The following GLIS3 variants were observed in gnomAD, a reference collection of about 807,000 sequenced individuals.
GLIS3 encodes GLIS family zinc finger 3, also known as zinc finger protein GLIS3.
Under a neutral mutation model 78.6 loss-of-function variants are expected in GLIS3, and 53 were observed. The observed-to-expected ratio is 0.67, with a 90% CI of 0.54 to 0.85. The LOEUF is 0.85. Among genes scored for constraint, GLIS3 ranks in the 40% least tolerant of loss-of-function variants. GLIS3 has a pLI of 0.00. For synonymous variants in GLIS3, 684 were observed against 509.9 expected (o/e 1.34, Z -4.60); for missense variants, 1,703 against 1,231.1 (o/e 1.38, Z -5.74).
chr9:4,073,330 G>C (rs930228622), intron 4 of GLIS3, among the ~76,000 whole-genome samples: 5 of 152,204 alleles, frequency 3.3e-5, no homozygotes, highest in Non-Finnish European at 5.9e-5. Flanking sequence ...CTGGGGATTT[G>C]CTGTATCTTC....
At chr9:4,054,409 T>C (rs1049520544) in intron 4 of GLIS3, 5 of 985,272 alleles carry the variant, frequency 5.1e-6, no homozygotes, top group Non-Finnish European at 6.0e-6. Context: ...CCATCTGAAT[T>C]TAACGGTTGG....
chr9:3,908,867 A>G (rs969017320), intron 6 of GLIS3, among the ~76,000 whole-genome samples: 1 of 152,134 alleles, frequency 6.6e-6, no homozygotes, highest in Non-Finnish European at 1.5e-5. Context: ...TAGGAAAGGG[A>G]AAAAGGCCCA....
chr9:4,298,705 A>C (rs1477343139), intron 1 of GLIS3, among the ~76,000 whole-genome samples: 1 of 152,118 alleles, frequency 6.6e-6, no homozygotes, highest in Non-Finnish European at 1.5e-5. Flanking sequence ...CGAGGTGACG[A>C]ACCCGGCGGG....
chr9:3,850,433 C>A (rs777004063), intron 9 of GLIS3, among the ~76,000 whole-genome samples: 1 of 152,220 alleles, frequency 6.6e-6, no homozygotes, highest in African/African-American at 2.4e-5. Flanking sequence ...CAGCTTTTGT[C>A]TAGGAAAGAC....
At chr9:4,299,235 T>C (rs1816893901) in intron 1 of GLIS3, among the ~76,000 whole-genome samples, 186 bp downstream of exon 1, 1 of 152,196 alleles carries the variant, frequency 6.6e-6, no homozygotes, top group African/African-American at 2.4e-5. Flanking sequence ...GGTCTCTCAG[T>C]GACCTGTGAC....
At chr9:4,466,806 G>A in the GLIS3 span, among the ~76,000 whole-genome samples, 37 of 152,126 alleles carry the variant, frequency 2.4e-4, no homozygotes, top group African/African-American at 5.3e-4. Context: ...TGCAGCCCAC[G>A]GAGTGTGAGC....
the GLIS3 span, among the ~76,000 whole-genome samples, chr9:4,430,550 A>T: frequency 6.6e-6 from 1 of 152,220 alleles, no homozygotes; most frequent in African/African-American, 2.4e-5. Flanking sequence ...TGATTCCATG[A>T]AACTGAGAAG....
At chr9:3,843,564 A>G (rs911037493) in intron 9 of GLIS3, among the ~76,000 whole-genome samples, 1 of 152,216 alleles carries the variant, frequency 6.6e-6, no homozygotes, top group Non-Finnish European at 1.5e-5. Context: ...GTATCTTGTC[A>G]GGCATTCATC....
At chr9:4,349,188 G>A (rs1396863710), upstream of GLIS3, among the ~76,000 whole-genome samples, 1 of 152,208 alleles carries the variant, frequency 6.6e-6, no homozygotes, top group Non-Finnish European at 1.5e-5. Context: ...CACCCCAGTT[G>A]ATAGCAATCT....
chr9:4,167,826 T>C (rs1196451233), intron 2 of GLIS3, among the ~76,000 whole-genome samples: 1 of 152,224 alleles, frequency 6.6e-6, no homozygotes, highest in East Asian at 1.9e-4. Flanking sequence ...ACGGCACCTA[T>C]GGCTTCCGGG....
chr9:3,841,539 C>A (rs533343767), intron 9 of GLIS3, among the ~76,000 whole-genome samples: 1 of 152,318 alleles, frequency 6.6e-6, no homozygotes, highest in South Asian at 2.1e-4. Context: ...CAGTGCCCAG[C>A]TACCCATTAG....
chr9:3,839,355 A>C (rs939307082), intron 9 of GLIS3, among the ~76,000 whole-genome samples: 5 of 152,178 alleles, frequency 3.3e-5, no homozygotes, highest in African/African-American at 1.2e-4. Context: ...GCAATCACAC[A>C]ATCTCCTACT....
At chr9:3,943,970 T>TCATAAATA (rs1816111305) in intron 4 of GLIS3, among the ~76,000 whole-genome samples, 1 of 152,218 alleles carries the variant, frequency 6.6e-6, no homozygotes, top group African/African-American at 2.4e-5. Context: ...ATTAACTAGC[T>TCATAAATA]CATAAATACA....
chr9:4,028,771 A>G (rs1436331628), intron 4 of GLIS3, among the ~76,000 whole-genome samples: 1 of 152,234 alleles, frequency 6.6e-6, no homozygotes, highest in Non-Finnish European at 1.5e-5. Context: ...AGAACATTTT[A>G]TATGGATTTG....
chr9:4,385,797 GAAAGAAAGAA>G, the GLIS3 span, among the ~76,000 whole-genome samples: 2 of 73,318 alleles, frequency 2.7e-5, no homozygotes, highest in African/African-American at 1.4e-4. Context: ...AAGAAAGAAA[GAAAGAAAGAA>G]AGAAAAGAAA....
intron 2 of GLIS3, among the ~76,000 whole-genome samples, chr9:4,126,887 C>T (rs978564986): frequency 4.6e-5 from 7 of 152,152 alleles, no homozygotes; most frequent in African/African-American, 1.7e-4. Context: ...TTAAGCTTTA[C>T]ATTGCAAATT....
At chr9:4,266,492 A>G (rs1826020005) in intron 2 of GLIS3, among the ~76,000 whole-genome samples, 1 of 152,080 alleles carries the variant, frequency 6.6e-6, no homozygotes, top group African/African-American at 2.4e-5. Context: ...TATAATTAGG[A>G]ACAAACCATC....
intron 8 of GLIS3, among the ~76,000 whole-genome samples, chr9:3,874,723 T>A (rs1563801067): frequency 6.6e-6 from 1 of 152,208 alleles, no homozygotes; most frequent in African/African-American, 2.4e-5. Flanking sequence ...CTTAGTGGGC[T>A]GGGGGAAAAC....
the GLIS3 span, among the ~76,000 whole-genome samples, chr9:4,373,721 T>G: frequency 6.6e-6 from 1 of 151,526 alleles, no homozygotes. Flanking sequence ...CAGGCTGTAG[T>G]GCAATGGCAC....
Sources: allele counts gnomAD v4.1 joint callset (sites outside exome capture counted in the v4.1 genomes callset), GRCh38; gene constraint gnomAD v4.1.1; transcripts MANE v1.5; gene names NCBI Gene and HGNC (gene_info 2026-07-23, HGNC 2026-07-21).